DNAJC10: variants seen among roughly 807,000 people sequenced by gnomAD.
DNAJC10 encodes DnaJ heat shock protein family (Hsp40) member C10.
In DNAJC10, 101 loss-of-function variants were observed where a neutral mutation model predicts 115.0. The observed-to-expected ratio is 0.88, with a 90% CI of 0.75 to 1.04. DNAJC10 has a LOEUF of 1.04. Among genes scored for constraint, DNAJC10 ranks in the 50% least tolerant of loss-of-function variants. The pLI, the probability that DNAJC10 is intolerant of heterozygous loss-of-function variation, is 0.00. For missense variants in DNAJC10, 981 were observed against 928.8 expected, an observed-to-expected ratio of 1.06 and a Z score of -0.73; for synonymous variants, 307 against 301.5, an observed-to-expected ratio of 1.02 and a Z score of -0.19.
In DNAJC10 at chr2:182,751,785, C is replaced by A. The variant is rs530098362; in HGVS notation, c.1434C>A (p.Pro478=). ...KEPWLVDFFA[P]WCPPCRALLP... is the part of the protein sequence containing the mutation. ...CATGGCTTGTTGATTTCTTTGCCCC[C>A]GTAAGTTATTTTTATCTGTCAGATT... The change falls in exon 15 of 24, where the codon CCC becomes CCA. Residue 478 remains proline (P), a splice_region_variant and synonymous_variant. Transcript: ENST00000264065. 5 of 1,611,202 alleles carry A rather than the reference C, an allele frequency of 3.1e-6. No homozygotes were observed. Among genetic ancestry groups the A allele is most frequent in the Non-Finnish European group, 4.2e-6 (5 of 1,179,436 alleles).
intron 9 of DNAJC10, among the ~76,000 whole-genome samples, chr2:182,731,376 C>G (rs536485841): frequency 6.2e-4 from 94 of 152,102 alleles, no homozygotes; most frequent in African/African-American, 2.2e-3. Flanking sequence ...CTTCAGATAG[C>G]CACAGATGTT....
At chr2:182,753,743 C>T (rs1028897916) in intron 16 of DNAJC10, among the ~76,000 whole-genome samples, 8 of 151,726 alleles carry the variant, frequency 5.3e-5, no homozygotes, top group East Asian at 3.9e-4. Context: ...CCACCACGTC[C>T]GGCTAACTTT....
rs1041531318 is a variant in DNAJC10, at chr2:182,736,129, A to G, written c.850-120A>G. 7.7e-5 allele frequency: 61 copies of G among 795,336 alleles called. No individual in the cohort carries two copies. The African/African-American group carries it at 1.1e-3, about 14-fold the overall frequency. The allele number at this position is 795,336 out of a possible 1,614,324, so 49.3% of individuals were successfully genotyped here. On this transcript the variant is annotated intron_variant, in intron 10 of 23. Coordinates refer to ENST00000264065, the MANE Select transcript of DNAJC10 (RefSeq NM_018981.4). ...TACTTTTTAACTTTGCTGTAGAACTAAGGCATGAAGTTTTAATTTTTTGGT... is the reference window on the plus strand; with the variant it reads ...TACTTTTTAACTTTGCTGTAGAACTGAGGCATGAAGTTTTAATTTTTTGGT...
intron 14 of DNAJC10, 136 bp downstream of exon 14, chr2:182,743,848 T>TA (rs1417044234): frequency 3.2e-6 from 2 of 615,690 alleles, no homozygotes; most frequent in East Asian, 5.6e-5. Context: ...TGAGGACAGA[T>TA]ATTTTGAATT....
chr2:182,767,208 G>A (rs1023023312), intron 22 of DNAJC10, among the ~76,000 whole-genome samples: 2 of 152,128 alleles, frequency 1.3e-5, no homozygotes, highest in East Asian at 1.9e-4. Context: ...GCGTACCGGT[G>A]CCCAGGTGGC....
At chr2:182,728,814 G>A (rs1412742479) in intron 6 of DNAJC10, 49 bp from the exon 7 acceptor site, 3 of 1,605,540 alleles carry the variant, frequency 1.9e-6, no homozygotes, top group Non-Finnish European at 2.6e-6. Flanking sequence ...GTGTTCAAGG[G>A]AAGAAAAGTG....
intron 13 of DNAJC10, among the ~76,000 whole-genome samples, chr2:182,742,127 A>G (rs947295987): frequency 6.6e-6 from 1 of 152,074 alleles, no homozygotes; most frequent in Non-Finnish European, 1.5e-5. Context: ...TACTGATTTT[A>G]TGTTGTTTCC....
intron 6 of DNAJC10, 37 bp from the exon 7 acceptor site, chr2:182,728,826 T>G (rs1397168048): frequency 1.9e-6 from 3 of 1,611,818 alleles, no homozygotes; most frequent in African/African-American, 2.7e-5. Flanking sequence ...AGAAAAGTGG[T>G]CTTATCAGAG....
chr2:182,748,528 G>T (rs1693930921), intron 14 of DNAJC10, among the ~76,000 whole-genome samples: 1 of 152,108 alleles, frequency 6.6e-6, no homozygotes, highest in South Asian at 2.1e-4. Flanking sequence ...AGAGGTGTTT[G>T]TAGTATTCTC....
intron 21 of DNAJC10, 133 bp from the exon 22 acceptor site, chr2:182,762,549 T>C: frequency 1.1e-6 from 1 of 921,862 alleles, no homozygotes; most frequent in South Asian, 1.8e-5. Flanking sequence ...GGAAATAATC[T>C]TGTTTGAGTA....
At chr2:182,769,335 A>G (rs751636612) in intron 22 of DNAJC10, among the ~76,000 whole-genome samples, 5 of 152,154 alleles carry the variant, frequency 3.3e-5, no homozygotes, top group African/African-American at 4.8e-5. Flanking sequence ...CTCTGGGTCT[A>G]TACCCAGTAG....
At chr2:182,762,266 C>T (rs1694304375) in intron 21 of DNAJC10, among the ~76,000 whole-genome samples, 1 of 151,986 alleles carries the variant, frequency 6.6e-6, no homozygotes, top group South Asian at 2.1e-4. Context: ...AATATGTGTT[C>T]TGACAGGGAG....
chr2:182,777,236 TCTTAG>T lies in DNAJC10; in HGVS notation c.*105_*109del. ...TTATGATGGGAATGAATGAACATTA[TCTTAG>T]ACTTGCAGTTGTACTGCCAGAATTA... On this transcript the variant is annotated 3_prime_UTR_variant, in exon 24 of 24. Coordinates refer to ENST00000264065, the MANE Select transcript of DNAJC10 (RefSeq NM_018981.4). 1 of 716,856 alleles carries T rather than the reference TCTTAG, an allele frequency of 1.4e-6. No individual in the cohort carries two copies. Among genetic ancestry groups the T allele is most frequent in the Non-Finnish European group, 2.1e-6 (1 of 476,580 alleles). 44.4% of individuals were successfully genotyped at this position (716,856 alleles called of 1,614,324 possible). A position where few individuals can be genotyped will look rare whatever the true frequency, so the allele number is the denominator to read the frequency against.
At chr2:182,750,094 C>T (rs1321354207) in intron 14 of DNAJC10, among the ~76,000 whole-genome samples, 5 of 151,942 alleles carry the variant, frequency 3.3e-5, no homozygotes, top group Admixed American at 1.3e-4. Flanking sequence ...TGTAAAAGAC[C>T]AAGAATGCAA....
intron 12 of DNAJC10, 47 bp downstream of exon 12, chr2:182,740,435 A>G (rs778216475): frequency 8.6e-6 from 13 of 1,502,938 alleles, no homozygotes; most frequent in Non-Finnish European, 6.2e-6. Flanking sequence ...TGTTCGTAAC[A>G]TTTCAGGTCT....
At chr2:182,723,885 G>T (rs1693217584) in intron 5 of DNAJC10, among the ~76,000 whole-genome samples, 1 of 152,184 alleles carries the variant, frequency 6.6e-6, no homozygotes, top group Non-Finnish European at 1.5e-5. Context: ...AAACTTCAGA[G>T]ATAATTCATA....
At chr2:182,728,724 A>AT (rs3832045) in intron 6 of DNAJC10, 66 bp downstream of exon 6, 161 of 1,458,838 alleles carry the variant, frequency 1.1e-4, no homozygotes, top group South Asian at 4.8e-4. Flanking sequence ...ATATGTTAGA[A>AT]TTTTTTTTTC....
At chr2:182,758,315 A>G (rs192349160) in intron 19 of DNAJC10, among the ~76,000 whole-genome samples, 2 of 152,314 alleles carry the variant, frequency 1.3e-5, no homozygotes, top group East Asian at 3.9e-4. Context: ...CTCAGCACCC[A>G]TGCTGTTTCC....
At position 182,792,105 on chromosome 2, in the gene DNAJC10, ACACT is replaced by A. The variant is rs1370680593; in HGVS notation, c.*14976_*14979del. On this transcript the variant is annotated 3_prime_UTR_variant, in exon 24 of 24. Coordinates refer to ENST00000264065, the MANE Select transcript of DNAJC10 (RefSeq NM_018981.4). The stretch of plus-strand genomic sequence containing the variant: ...GTTCACTTTTCATGCCATCATCTTG[ACACT>A]CAATACATGTTCAAAGAGTAAATTA... 6.6e-6 allele frequency: 1 copy of A among 152,166 alleles called. No individual in the cohort carries two copies. The highest frequency in any genetic ancestry group is 1.5e-5 in the Non-Finnish European group (1 of 68,028). 9.4% of individuals were successfully genotyped at this position (152,166 alleles called of 1,614,324 possible).
Sources: gnomAD v4.1 joint callset for allele counts (sites outside exome capture counted in the v4.1 genomes callset) on GRCh38, gnomAD v4.1.1 for gene constraint, MANE v1.5 for transcripts, NCBI Gene and HGNC (gene_info 2026-07-23, HGNC 2026-07-21) for gene names.